Variants in ZC2HC1B observed in about 807,000 individuals in gnomAD.
The protein encoded by ZC2HC1B is zinc finger C2HC domain-containing protein 1B.
A neutral mutation model predicts 31.0 loss-of-function variants in ZC2HC1B; 36 were observed. The observed-to-expected ratio is 1.16, with a 90% CI of 0.89 to 1.54. The LOEUF (loss-of-function observed/expected upper bound fraction) is 1.54, where lower values mean the gene tolerates loss of function less well. Among genes scored for constraint, ZC2HC1B ranks in the 40% most tolerant of loss-of-function variants. The pLI, the probability that ZC2HC1B is intolerant of heterozygous loss-of-function variation, is 0.00. For missense variants in ZC2HC1B, 260 were observed against 268.6 expected (o/e 0.97, Z 0.22); for synonymous variants, 73 against 88.0 (o/e 0.83, Z 0.95).
At chr6:143,889,817 T>C (rs1350500563) in intron 4 of ZC2HC1B, among the ~76,000 whole-genome samples, 1 of 152,126 alleles carries the variant, frequency 6.6e-6, no homozygotes, top group African/African-American at 2.4e-5. Context: ...TTTGACCTAA[T>C]TGACATTTAT....
intron 1 of ZC2HC1B, among the ~76,000 whole-genome samples, chr6:143,880,315 A>G (rs940434613): frequency 6.6e-6 from 1 of 152,182 alleles, no homozygotes; most frequent in African/African-American, 2.4e-5. Context: ...TTGTTTTAGA[A>G]CATTTTCTTC....
chr6:143,916,416 C>T (rs947654087), intron 6 of ZC2HC1B, among the ~76,000 whole-genome samples: 1 of 152,198 alleles, frequency 6.6e-6, no homozygotes, highest in African/African-American at 2.4e-5. Flanking sequence ...GGGGTCAGAG[C>T]CCCCACACAG....
rs139780990 is a variant in ZC2HC1B, at chr6:143,869,995, C to T, written c.28+5428C>T. Among the ~76,000 whole-genome samples, 76 of 152,336 alleles carry T rather than the reference C, an allele frequency of 5.0e-4. 1 individual carries two copies. Among genetic ancestry groups the T allele is most frequent in the African/African-American group, 1.7e-3 (71 of 41,576 alleles). On this transcript the variant is annotated intron_variant, in intron 1 of 7. Coordinates refer to ENST00000237275, the MANE Select transcript of ZC2HC1B (RefSeq NM_001013623.3). This position sits in a 1 kb window ranked among gnomAD's most constrained non-coding sequence, Gnocchi z 5.2. The stretch of plus-strand genomic sequence containing the variant: ...GAGGTCACCAGTTGGTGAGCATTCA[C>T]ATGGGATACAAATATCTTTCCAGTT...
chr6:143,925,928 T>G (rs916602611), intron 6 of ZC2HC1B, among the ~76,000 whole-genome samples: 3 of 152,232 alleles, frequency 2.0e-5, no homozygotes, highest in African/African-American at 7.2e-5. Flanking sequence ...TATAAGTCTC[T>G]GATGATTTCT....
rs1187991376 is a variant in ZC2HC1B, at chr6:143,924,363, A to G, written c.599-13286A>G. Among the ~76,000 whole-genome samples the G allele has an allele frequency of 6.6e-6, 1 of 151,066 alleles. No homozygotes were observed. The highest frequency in any genetic ancestry group is 1.5e-5 in the Non-Finnish European group (1 of 67,786). ...GTCTTTAGGTTTTATATATATATAT[A>G]TGTATTACATATATATATCCATGTA... On this transcript the variant is annotated intron_variant, in intron 6 of 7. Transcript: ENST00000237275. The surrounding 1 kb of genome is among the most constrained non-coding windows in gnomAD (Gnocchi z 5.2).
chr6:143,912,349 C>CT (rs1777870537), intron 6 of ZC2HC1B, among the ~76,000 whole-genome samples: 1 of 152,204 alleles, frequency 6.6e-6, no homozygotes, highest in Non-Finnish European at 1.5e-5. Context: ...GGCACTCTGG[C>CT]TTTTTGAGTT....
Position 143,876,062 on chromosome 6 carries a change from TG to T in ZC2HC1B, c.29-8241del, listed in dbSNP as rs968874992. On this transcript the variant is annotated intron_variant, in intron 1 of 7. Transcript: ENST00000237275. ...TTTAACAGTAGACACTTGGCAAGGCTGTGCATGCACCTTTCATTGCAGGTCA... is the reference window on the plus strand; with the variant it reads ...TTTAACAGTAGACACTTGGCAAGGCTTGCATGCACCTTTCATTGCAGGTCA... Among the ~76,000 whole-genome samples the T allele has an allele frequency of 1.3e-4, 19 of 150,784 alleles. 1 individual carries two copies. The highest frequency in any genetic ancestry group is 4.6e-4 in the African/African-American group (19 of 40,890).
intron 1 of ZC2HC1B, chr6:143,881,917 C>T (rs530989423): frequency 6.6e-6 from 1 of 152,254 alleles, no homozygotes; most frequent in African/African-American, 2.4e-5. Flanking sequence ...CATTGACTCA[C>T]TGATTTCAAC....
chr6:143,929,694 T>C (rs556429397), intron 6 of ZC2HC1B, among the ~76,000 whole-genome samples: 14 of 152,186 alleles, frequency 9.2e-5, no homozygotes, highest in Admixed American at 7.2e-4. Flanking sequence ...ATCTGTCTGC[T>C]CCTGGGCTCT....
chr6:143,917,216 C>A lies in ZC2HC1B; in HGVS notation c.598+14064C>A, dbSNP rs372928918. ...TTCTCTTGTCTGCTGCCATGTGAGA[C>A]GTGCCTTTCACCTTCCACTGTGATT... On this transcript the variant is annotated intron_variant, in intron 6 of 7. Coordinates refer to ENST00000237275, the MANE Select transcript of ZC2HC1B (RefSeq NM_001013623.3). The surrounding 1 kb of genome is among the most constrained non-coding windows in gnomAD (Gnocchi z 4.1). Among the ~76,000 whole-genome samples the A allele has an allele frequency of 6.6e-6, 1 of 152,212 alleles. No homozygotes were observed. Among genetic ancestry groups the A allele is most frequent in the African/African-American group, 2.4e-5 (1 of 41,454 alleles).
At chr6:143,881,429 T>C (rs1777465722) in intron 1 of ZC2HC1B, among the ~76,000 whole-genome samples, 1 of 151,696 alleles carries the variant, frequency 6.6e-6, no homozygotes, top group African/African-American at 2.4e-5. Context: ...CACATGCCTG[T>C]TGTCCTAGCT....
Position 143,865,032 on chromosome 6 carries a change from A to G in ZC2HC1B, c.28+465A>G, listed in dbSNP as rs1229331817. On this transcript the variant is annotated intron_variant, in intron 1 of 7. Coordinates refer to ENST00000237275, the MANE Select transcript of ZC2HC1B (RefSeq NM_001013623.3). The surrounding 1 kb of genome is among the most constrained non-coding windows in gnomAD (Gnocchi z 4.4). ...TTCACTGTGTTTAAATCCATATATTATATATTTTGCAATTAAGAGAAAAAG... is the reference window on the plus strand; with the variant it reads ...TTCACTGTGTTTAAATCCATATATTGTATATTTTGCAATTAAGAGAAAAAG... 6.6e-6 allele frequency among the ~76,000 whole-genome samples: 1 copy of G among 152,178 alleles called. No homozygotes were observed. Among genetic ancestry groups the G allele is most frequent in the Non-Finnish European group, 1.5e-5 (1 of 68,040 alleles).
rs189754624 is a variant in ZC2HC1B, at chr6:143,887,333, C to T, written c.349+512C>T. Among the ~76,000 whole-genome samples, 98 of 152,260 alleles carry T rather than the reference C, an allele frequency of 6.4e-4. 2 individuals are homozygous for T. The highest frequency in any genetic ancestry group is 3.3e-3 in the Admixed American group (50 of 15,294). On this transcript the variant is annotated intron_variant, in intron 4 of 7. Transcript: ENST00000237275. The surrounding 1 kb of genome is among the most constrained non-coding windows in gnomAD (Gnocchi z 5.1). The stretch of plus-strand genomic sequence containing the variant: ...TCCACTGAAATTTGGCAATTGTTGA[C>T]GCTGTTGCCATAATTTCTCCTTTAT...
In ZC2HC1B at chr6:143,885,610, C is replaced by G. The variant is rs186462035; in HGVS notation, c.91-422C>G. Among the ~76,000 whole-genome samples, 1 of 152,212 alleles carries G rather than the reference C, an allele frequency of 6.6e-6. No individual in the cohort carries two copies. The highest frequency in any genetic ancestry group is 1.9e-4 in the East Asian group (1 of 5,180). ...ATGGTTATTATGTGTCACACATCCA[C>G]GAAGGGAGAGGGCCAAGGTCCCATA... On this transcript the variant is annotated intron_variant, in intron 2 of 7. Transcript: ENST00000237275. This position sits in a 1 kb window ranked among gnomAD's most constrained non-coding sequence, Gnocchi z 4.2.
chr6:143,924,296 A>G lies in ZC2HC1B; in HGVS notation c.599-13353A>G, dbSNP rs147453372. Among the ~76,000 whole-genome samples, 1,094 of 151,652 alleles carry G rather than the reference A, an allele frequency of 7.2e-3. 13 individuals carry two copies. Among genetic ancestry groups the G allele is most frequent in the African/African-American group, 0.026 (1,056 of 41,406 alleles). ...TTTATATGTTGATTTTGTATCCTGC[A>G]ATTTTACTAAATTCATTTATTCTAG... On this transcript the variant is annotated intron_variant, in intron 6 of 7. Transcript: ENST00000237275. The surrounding 1 kb of genome is among the most constrained non-coding windows in gnomAD (Gnocchi z 5.2).
intron 5 of ZC2HC1B, 49 bp from the exon 6 acceptor site, chr6:143,902,995 G>A: frequency 6.5e-7 from 1 of 1,528,622 alleles, no homozygotes; most frequent in Non-Finnish European, 8.9e-7. Context: ...GGCACCTGAG[G>A]TTACATACAG....
At chr6:143,894,195 G>T (rs1031099244) in intron 4 of ZC2HC1B, among the ~76,000 whole-genome samples, 3 of 152,144 alleles carry the variant, frequency 2.0e-5, no homozygotes, top group Non-Finnish European at 4.4e-5. Flanking sequence ...TTACAAAATG[G>T]TCTAGTACTC....
intron 4 of ZC2HC1B, among the ~76,000 whole-genome samples, chr6:143,889,605 A>C (rs564663439): frequency 6.6e-6 from 1 of 152,164 alleles, no homozygotes; most frequent in Admixed American, 6.5e-5. Flanking sequence ...AAATACATCA[A>C]GAAGACCTAT....
At position 143,917,195 on chromosome 6, in the gene ZC2HC1B, C is replaced by CT. The variant is rs925373097; in HGVS notation, c.598+14045dup. ...CTCCCCTGCACAAGCTCTCTGTTCT[C>CT]TTGTCTGCTGCCATGTGAGACGTGC... On this transcript the variant is annotated intron_variant, in intron 6 of 7. Transcript: ENST00000237275. This position sits in a 1 kb window ranked among gnomAD's most constrained non-coding sequence, Gnocchi z 4.1. 3.3e-5 allele frequency among the ~76,000 whole-genome samples: 5 copies of CT among 152,192 alleles called. No homozygotes were observed. The highest frequency in any genetic ancestry group is 7.3e-5 in the Non-Finnish European group (5 of 68,034).
Sources: allele counts gnomAD v4.1 joint callset (sites outside exome capture counted in the v4.1 genomes callset), GRCh38; gene constraint gnomAD v4.1.1; non-coding constraint Gnocchi (gnomAD v3.1); transcripts MANE v1.5; gene names NCBI Gene and HGNC (gene_info 2026-07-23, HGNC 2026-07-21).